The following PTPRA variants were observed in gnomAD, a reference collection of about 807,000 sequenced individuals.
PTPRA encodes receptor-type tyrosine-protein phosphatase alpha.
A neutral mutation model predicts 104.8 loss-of-function variants in PTPRA; 25 were observed. The ratio of observed to expected loss-of-function variants is 0.24; its 90% CI spans 0.17 to 0.33. The LOEUF is 0.33. Ranked by LOEUF, PTPRA falls within the 10% of genes least tolerant of loss-of-function variation. PTPRA has a pLI of 1.00. For synonymous variants in PTPRA, 323 were observed against 368.9 expected, an observed-to-expected ratio of 0.88 and a Z score of 1.43; for missense variants, 765 against 1,015.3, an observed-to-expected ratio of 0.75 and a Z score of 3.35.
chr20:3,018,762 G>A (rs1390242693), intron 13 of PTPRA, among the ~76,000 whole-genome samples: 1 of 142,516 alleles, frequency 7.0e-6, no homozygotes, highest in African/African-American at 2.8e-5. Context: ...ACGGGGTGGT[G>A]GCCGGGCAGA....
chr20:2,877,914 A>G (rs1168972088), intron 1 of PTPRA, among the ~76,000 whole-genome samples: 1 of 152,170 alleles, frequency 6.6e-6, no homozygotes, highest in Non-Finnish European at 1.5e-5. Context: ...GCACTTTGGG[A>G]GGCTGAGGCA....
chr20:2,965,189 T>C lies in PTPRA; in HGVS notation c.402T>C (p.Thr134=), dbSNP rs768084229. The C allele has an allele frequency of 6.2e-7, 1 of 1,610,706 alleles. No homozygotes were observed. The highest frequency in any genetic ancestry group is 1.7e-5 in the Admixed American group (1 of 59,910). ...NSSTAATTPE[T]FPPSGNSDSK... The stretch of plus-strand genomic sequence containing the variant: ...GCACCGCAGCAACCACTCCAGAAAC[T>C]TTCCCTCCTTCAGGTACTAGAGATG... Residue 134 remains threonine, a synonymous_variant, in exon 5 of 24, where the codon ACT becomes ACC. Coordinates refer to ENST00000399903, the MANE Select transcript of PTPRA (RefSeq NM_001385305.1).
chr20:2,985,522 G>A (rs897407559), intron 6 of PTPRA, among the ~76,000 whole-genome samples: 2 of 152,026 alleles, frequency 1.3e-5, no homozygotes, highest in African/African-American at 2.4e-5. Flanking sequence ...TCATGGAGTC[G>A]GGTGGAGGGT....
intron 1 of PTPRA, among the ~76,000 whole-genome samples, chr20:2,921,754 G>A (rs894823193): frequency 6.6e-6 from 1 of 152,044 alleles, no homozygotes; most frequent in Non-Finnish European, 1.5e-5. Flanking sequence ...AACATGTTTG[G>A]GTATAGGGAG....
intron 4 of PTPRA, among the ~76,000 whole-genome samples, chr20:2,964,642 G>T (rs3818226): frequency 0.34 from 51,944 of 152,020 alleles, 10,161 homozygotes; most frequent in East Asian, 0.66. Context: ...ACTAAGTGAA[G>T]AATCTTGTGT....
intron 2 of PTPRA, among the ~76,000 whole-genome samples, chr20:2,932,252 G>A (rs1019784315): frequency 1.3e-5 from 2 of 152,156 alleles, no homozygotes; most frequent in East Asian, 3.9e-4. Flanking sequence ...GAGAACGAAG[G>A]ATTTAAGAAC....
At chr20:3,021,782 C>T (rs1255751871) in intron 14 of PTPRA, among the ~76,000 whole-genome samples, 3 of 152,238 alleles carry the variant, frequency 2.0e-5, no homozygotes, top group Non-Finnish European at 4.4e-5. Context: ...CTGCCCCTGG[C>T]CCTCCAGGCA....
At chr20:3,028,367 A>T (rs939387830) in intron 20 of PTPRA, among the ~76,000 whole-genome samples, 2 of 152,238 alleles carry the variant, frequency 1.3e-5, no homozygotes, top group African/African-American at 4.8e-5. Context: ...GTAATAAGGA[A>T]ATCTTTTAAA....
At chr20:2,882,165 A>T (rs1408230023) in intron 1 of PTPRA, among the ~76,000 whole-genome samples, 3 of 152,258 alleles carry the variant, frequency 2.0e-5, no homozygotes, top group African/African-American at 7.2e-5. Flanking sequence ...ACATTGCTGA[A>T]TATGTGAACA....
intron 20 of PTPRA, among the ~76,000 whole-genome samples, chr20:3,033,629 C>T (rs1281997845): frequency 6.6e-6 from 1 of 152,072 alleles, no homozygotes; most frequent in Non-Finnish European, 1.5e-5. Context: ...AGGCCAGGTG[C>T]GGCAGCTCAC....
At chr20:2,968,768 G>T (rs953033948) in intron 5 of PTPRA, among the ~76,000 whole-genome samples, 111 of 151,992 alleles carry the variant, frequency 7.3e-4, no homozygotes, top group African/African-American at 2.6e-3. Context: ...TTAGAAATTA[G>T]CAGGGCCTAA....
intron 1 of PTPRA, among the ~76,000 whole-genome samples, chr20:2,920,856 G>A (rs2147342797): frequency 6.6e-6 from 1 of 152,154 alleles, no homozygotes; most frequent in Non-Finnish European, 1.5e-5. Context: ...AGATGTTAAA[G>A]CCTTGAGGCT....
intron 6 of PTPRA, among the ~76,000 whole-genome samples, chr20:2,984,680 A>G (rs372267950): frequency 1.3e-5 from 2 of 152,174 alleles, no homozygotes; most frequent in South Asian, 2.1e-4. Flanking sequence ...AATCATTACA[A>G]TGGACTCCCA....
At chr20:2,974,057 TCTC>T (rs1174961230) in intron 5 of PTPRA, among the ~76,000 whole-genome samples, 1 of 151,564 alleles carries the variant, frequency 6.6e-6, no homozygotes, top group East Asian at 1.9e-4. Context: ...TTCACGCCAT[TCTC>T]CTGCCTCAGC....
At chr20:3,009,952 G>A (rs376793887) in intron 11 of PTPRA, among the ~76,000 whole-genome samples, 136 of 151,960 alleles carry the variant, frequency 8.9e-4, no homozygotes, top group Non-Finnish European at 1.7e-3. Context: ...GGGCTCAAGC[G>A]ATTCTCATGC....
intron 1 of PTPRA, among the ~76,000 whole-genome samples, chr20:2,909,968 A>G (rs2059587957): frequency 1.3e-4 from 15 of 118,372 alleles, no homozygotes; most frequent in Admixed American, 1.2e-3. Context: ...TATATGATAT[A>G]TATATAATCT....
chr20:2,939,576 G>A (rs1014770281), intron 2 of PTPRA, among the ~76,000 whole-genome samples: 1 of 152,138 alleles, frequency 6.6e-6, no homozygotes, highest in East Asian at 1.9e-4. Flanking sequence ...TACCTAGAGA[G>A]GGCAGGCTTT....
intron 3 of PTPRA, among the ~76,000 whole-genome samples, chr20:2,951,634 C>T (rs1016925696): frequency 6.6e-6 from 1 of 152,188 alleles, no homozygotes; most frequent in African/African-American, 2.4e-5. Context: ...GCTTACCCTG[C>T]CTTGCCCATT....
chr20:2,983,916 A>T (rs1030326101), intron 6 of PTPRA, among the ~76,000 whole-genome samples: 2 of 152,118 alleles, frequency 1.3e-5, no homozygotes, highest in Admixed American at 6.6e-5. Context: ...CAGATTAACT[A>T]GATATAGAGA....
Sources: gnomAD v4.1 joint callset for allele counts (sites outside exome capture counted in the v4.1 genomes callset) on GRCh38, gnomAD v4.1.1 for gene constraint, MANE v1.5 for transcripts, NCBI Gene and HGNC (gene_info 2026-07-23, HGNC 2026-07-21) for gene names.